SYNPR: variants seen among roughly 807,000 people sequenced by gnomAD.
The protein encoded by SYNPR is synaptoporin.
Under a neutral mutation model 32.9 loss-of-function variants are expected in SYNPR, and 23 were observed. That is an observed-to-expected ratio of 0.70 (90% confidence interval 0.50 to 0.99). The LOEUF (loss-of-function observed/expected upper bound fraction) is 0.99. Among genes scored for constraint, SYNPR ranks in the 50% least tolerant of loss-of-function variants. The pLI is 0.00. For synonymous variants in SYNPR, 146 were observed against 135.9 expected (o/e 1.07, Z -0.52); for missense variants, 318 against 349.3 (o/e 0.91, Z 0.71).
intron 5 of SYNPR, among the ~76,000 whole-genome samples, chr3:63,614,073 C>G (rs1186910292): frequency 6.6e-6 from 1 of 152,192 alleles, no homozygotes; most frequent in Non-Finnish European, 1.5e-5. Flanking sequence ...ATCTCACTGT[C>G]CAGAAACTAA....
chr3:63,365,310 GGGTTCTAT>G (rs1286775405), intron 2 of SYNPR, among the ~76,000 whole-genome samples: 2 of 152,110 alleles, frequency 1.3e-5, no homozygotes, highest in Non-Finnish European at 2.9e-5. Flanking sequence ...TATTTAAGTG[GGGTTCTAT>G]GGTCCCCAGG....
chr3:63,346,991 A>G (rs1054535817), intron 2 of SYNPR, among the ~76,000 whole-genome samples: 4 of 152,200 alleles, frequency 2.6e-5, no homozygotes, highest in African/African-American at 9.7e-5. Context: ...TCGTGCAGCC[A>G]TATACTGTGC....
At chr3:63,606,505 C>T (rs1284092281) in intron 4 of SYNPR, among the ~76,000 whole-genome samples, 1 of 137,384 alleles carries the variant, frequency 7.3e-6, no homozygotes, top group Non-Finnish European at 1.5e-5. Flanking sequence ...AATCATAGCT[C>T]ACTGCAACTT....
intron 2 of SYNPR, among the ~76,000 whole-genome samples, chr3:63,315,685 T>C (rs1305889713): frequency 6.6e-6 from 1 of 151,804 alleles, no homozygotes; most frequent in African/African-American, 2.4e-5. Context: ...CATCAGCAAA[T>C]AGTGACAGTA....
chr3:63,319,083 G>A (rs13084305), intron 2 of SYNPR, among the ~76,000 whole-genome samples: 44,553 of 151,862 alleles, frequency 0.29, 6,933 homozygotes, highest in South Asian at 0.45. Context: ...ACTGGGAGGT[G>A]TCTGCACAGA....
At chr3:63,237,551 C>G (rs576375192) in intron 1 of SYNPR, among the ~76,000 whole-genome samples, 5 of 151,718 alleles carry the variant, frequency 3.3e-5, no homozygotes, top group African/African-American at 1.2e-4. Flanking sequence ...GCGTTGGCAT[C>G]GGCTGGTTGT....
upstream of SYNPR, among the ~76,000 whole-genome samples, chr3:63,273,487 C>T (rs947587761): frequency 6.6e-6 from 1 of 151,818 alleles, no homozygotes; most frequent in Non-Finnish European, 1.5e-5. Flanking sequence ...TTATTAGAGC[C>T]CTTATTATAA....
chr3:63,296,381 G>A (rs186478333), intron 2 of SYNPR, among the ~76,000 whole-genome samples: 9 of 152,244 alleles, frequency 5.9e-5, no homozygotes, highest in South Asian at 2.1e-4. Flanking sequence ...TGTTCCTTCC[G>A]CACCACAGCA....
At chr3:63,251,046 A>G (rs2086327150) in intron 1 of SYNPR, among the ~76,000 whole-genome samples, 1 of 152,168 alleles carries the variant, frequency 6.6e-6, no homozygotes, top group South Asian at 2.1e-4. Context: ...GTCTCTGGGG[A>G]GTGGGACAGA....
In SYNPR at chr3:63,351,028, T is replaced by C. The variant is rs930509959; in HGVS notation, c.84+72286T>C. On this transcript the variant is annotated intron_variant, in intron 2 of 5. Transcript: ENST00000478300. ...ACTGTGTGCCCCTTATCAGACATTA[T>C]GCTTTCTTGCATTTTTTTTCTCTAG... Among the ~76,000 whole-genome samples the C allele has an allele frequency of 3.3e-5, 5 of 152,218 alleles. 1 individual carries two copies. The highest frequency in any genetic ancestry group is 1.5e-5 in the Non-Finnish European group (1 of 68,052).
intron 2 of SYNPR, among the ~76,000 whole-genome samples, chr3:63,320,193 C>A (rs2106966661): frequency 6.6e-6 from 1 of 152,076 alleles, no homozygotes; most frequent in East Asian, 2.0e-4. Context: ...TCAAGTGATC[C>A]TCCTGCCTTG....
intron 3 of SYNPR, among the ~76,000 whole-genome samples, chr3:63,489,261 G>A (rs1484434415): frequency 6.6e-6 from 1 of 152,194 alleles, no homozygotes; most frequent in East Asian, 1.9e-4. Context: ...CATCCGGCAA[G>A]TGTTCAGGCT....
intron 3 of SYNPR, chr3:63,267,550 A>T (rs2086500595): frequency 6.6e-6 from 1 of 152,186 alleles, no homozygotes; most frequent in Non-Finnish European, 1.5e-5. Flanking sequence ...AGTGTCAATC[A>T]ACTAAGGGCC....
rs149598303 is a variant in SYNPR, at chr3:63,493,289, A to T, written c.209+12333A>T. Among the ~76,000 whole-genome samples the T allele has an allele frequency of 5.9e-5, 9 of 152,254 alleles. No individual in the cohort carries two copies. The East Asian group carries it at 1.8e-3, about 30-fold the overall frequency. On this transcript the variant is annotated intron_variant, in intron 3 of 5. Coordinates refer to ENST00000478300, the MANE Select transcript of SYNPR (RefSeq NM_001130003.2). ...AACAGAGAGGATTGGCAAGTATTCA[A>T]ACTGACTCGCTAGTCAGATACTCTG...
chr3:63,284,181 T>TA (rs1341048443), intron 2 of SYNPR, among the ~76,000 whole-genome samples: 1 of 152,180 alleles, frequency 6.6e-6, no homozygotes, highest in Non-Finnish European at 1.5e-5. Flanking sequence ...CCTTTTCTTC[T>TA]AAAAAATGAT....
chr3:63,297,092 C>G (rs2086797183), intron 2 of SYNPR, among the ~76,000 whole-genome samples: 1 of 152,172 alleles, frequency 6.6e-6, no homozygotes, highest in South Asian at 2.1e-4. Flanking sequence ...CCCCATGCAT[C>G]TGGTTTTCAA....
At position 63,379,477 on chromosome 3, in the gene SYNPR, G is replaced by T. The variant is rs368748536; in HGVS notation, c.84+100735G>T. On this transcript the variant is annotated intron_variant, in intron 2 of 5. Coordinates refer to ENST00000478300, the MANE Select transcript of SYNPR (RefSeq NM_001130003.2). ...TCTCTTTTCAGTTCTACTGGTTTTT[G>T]CTTCAACTGGAAGTTTGTAGCTCTG... is the stretch of plus-strand genomic sequence containing the variant. Among the ~76,000 whole-genome samples the T allele has an allele frequency of 5.7e-5, 8 of 139,714 alleles. No individual in the cohort carries two copies. The East Asian group carries it at 1.7e-3, about 30-fold the overall frequency. The allele number at this position is 139,714 out of a possible 152,430, so 91.7% of individuals were successfully genotyped here.
intron 2 of SYNPR, among the ~76,000 whole-genome samples, chr3:63,465,675 G>A (rs1700664510): frequency 1.3e-5 from 2 of 151,916 alleles, no homozygotes; most frequent in Non-Finnish European, 2.9e-5. Context: ...ATTCTCCCCA[G>A]GCATATATCT....
At chr3:63,466,228 CCTCTCTCT>C (rs60415902) in intron 2 of SYNPR, among the ~76,000 whole-genome samples, 5 of 148,078 alleles carry the variant, frequency 3.4e-5, no homozygotes, top group Admixed American at 1.4e-4. Context: ...TCTAGACGTT[CCTCTCTCT>C]CTCTCTCTCT....
Sources: allele counts gnomAD v4.1 joint callset (sites outside exome capture counted in the v4.1 genomes callset), GRCh38; gene constraint gnomAD v4.1.1; transcripts MANE v1.5; gene names NCBI Gene and HGNC (gene_info 2026-07-23, HGNC 2026-07-21).